CCDC172: variants seen among roughly 807,000 people sequenced by gnomAD.
CCDC172 encodes the protein coiled-coil domain-containing protein 172.
CCDC172 carries 30 observed loss-of-function variants against 38.0 expected under a neutral mutation model. That is an observed-to-expected ratio of 0.79 (90% CI 0.59 to 1.07). The LOEUF is 1.07. Among genes scored for constraint, CCDC172 ranks in the 50% least tolerant of loss-of-function variants. The probability of loss-of-function intolerance (pLI) is 0.00; values close to 1 mark genes in which losing one functional copy is unlikely to be tolerated. For missense variants in CCDC172, 297 were observed against 290.1 expected, an observed-to-expected ratio of 1.02 and a Z score of -0.17; for synonymous variants, 78 against 88.3, an observed-to-expected ratio of 0.88 and a Z score of 0.66.
chr10:116,356,940 AAG>A lies in CCDC172; in HGVS notation c.449-437_449-436del, dbSNP rs1315065598. Among the ~76,000 whole-genome samples the A allele has an allele frequency of 2.6e-4, 39 of 152,272 alleles. No homozygotes were observed. The East Asian group carries it at 2.7e-3, about 11-fold the overall frequency. The stretch of plus-strand genomic sequence containing the variant: ...AATAAGTTCTGGTCAGTTTCTTAAA[AAG>A]AGTTACTAGTTGGCCAGGGGAAGCT... On this transcript the variant is annotated intron_variant, in intron 5 of 8. Coordinates refer to ENST00000333254, the MANE Select transcript of CCDC172 (RefSeq NM_198515.3).
chr10:116,325,778 C>T (rs764221014), intron 3 of CCDC172, among the ~76,000 whole-genome samples: 2 of 152,202 alleles, frequency 1.3e-5, no homozygotes, highest in Non-Finnish European at 2.9e-5. Flanking sequence ...AAATTTCAAA[C>T]AAGCCCCTGC....
intron 7 of CCDC172, 136 bp from the exon 8 acceptor site, chr10:116,378,287 G>C: frequency 1.1e-6 from 1 of 885,822 alleles, no homozygotes; most frequent in African/African-American, 1.8e-5. Flanking sequence ...TGGAATTATA[G>C]ATAATTAAAA....
At chr10:116,378,632 C>A in intron 8 of CCDC172, 122 bp downstream of exon 8, 1 of 717,616 alleles carries the variant, frequency 1.4e-6, no homozygotes, top group Non-Finnish European at 2.3e-6. Context: ...AACAGAAAAG[C>A]AATAATGAAG....
Position 116,341,986 on chromosome 10 carries a change from A to G in CCDC172, c.283-50A>G, listed in dbSNP as rs1555179240. 6.6e-6 allele frequency: 8 copies of G among 1,218,882 alleles called. No homozygotes were observed. In the Middle Eastern group the frequency reaches 1.2e-3, roughly 190 times the overall value. The allele number at this position is 1,218,882 out of a possible 1,614,324, so 75.5% of individuals were successfully genotyped here. ...TTATATTTTAAATAATTAAGGAAAA[A>G]TATTATTGCAACTAACACCTATATT... On this transcript the variant is annotated intron_variant, in intron 4 of 8. Coordinates refer to ENST00000333254, the MANE Select transcript of CCDC172 (RefSeq NM_198515.3).
At chr10:116,353,876 C>T (rs1023159744) in intron 5 of CCDC172, among the ~76,000 whole-genome samples, 1 of 152,076 alleles carries the variant, frequency 6.6e-6, no homozygotes, top group Non-Finnish European at 1.5e-5. Context: ...ATAGTGTTGG[C>T]AAGAATATGG....
At chr10:116,325,508 T>C (rs1844580845) in intron 3 of CCDC172, 120 bp downstream of exon 3, 1 of 719,464 alleles carries the variant, frequency 1.4e-6, no homozygotes, top group Admixed American at 2.9e-5. Flanking sequence ...TACTCTGTGC[T>C]GGCTGTTTTA....
At chr10:116,341,034 T>C (rs1428789206) in intron 4 of CCDC172, among the ~76,000 whole-genome samples, 184 bp downstream of exon 4, 1 of 152,002 alleles carries the variant, frequency 6.6e-6, no homozygotes, top group African/African-American at 2.4e-5. Context: ...GAAAGAAGTA[T>C]ATGGGCAGGG....
intron 5 of CCDC172, among the ~76,000 whole-genome samples, chr10:116,350,348 G>T (rs905083957): frequency 1.3e-5 from 2 of 152,198 alleles, no homozygotes; most frequent in Admixed American, 1.3e-4. Flanking sequence ...CAGCATAGAA[G>T]TGGTAAGTGG....
intron 7 of CCDC172, among the ~76,000 whole-genome samples, chr10:116,374,205 A>G (rs1265770932): frequency 6.6e-6 from 1 of 152,108 alleles, no homozygotes; most frequent in Non-Finnish European, 1.5e-5. Context: ...CTTAATGATG[A>G]GCCCAAGTCA....
Position 116,362,145 on chromosome 10 carries a change from G to A in CCDC172, c.653+4207G>A, listed in dbSNP as rs367676704. On this transcript the variant is annotated intron_variant, in intron 7 of 8. Transcript: ENST00000333254. Reference sequence around the variant, plus strand: ...GCAGAGCTTGCAGTGAGCCGAGATCGCTTTTCATACCCTTGCTCTGACACC... The same window carrying A: ...GCAGAGCTTGCAGTGAGCCGAGATCACTTTTCATACCCTTGCTCTGACACC... 1.6e-4 allele frequency among the ~76,000 whole-genome samples: 24 copies of A among 152,306 alleles called. No individual in the cohort carries two copies. In the East Asian group the frequency reaches 3.9e-3, roughly 25 times the overall value.
intron 7 of CCDC172, among the ~76,000 whole-genome samples, chr10:116,374,808 G>C (rs1036038852): frequency 1.3e-5 from 2 of 151,220 alleles, no homozygotes; most frequent in African/African-American, 4.9e-5. Flanking sequence ...GTAAAAGACA[G>C]ATTATTACAT....
At chr10:116,332,951 T>G (rs549925293) in intron 3 of CCDC172, among the ~76,000 whole-genome samples, 17 of 152,264 alleles carry the variant, frequency 1.1e-4, no homozygotes, top group African/African-American at 4.1e-4. Flanking sequence ...TAATGCTCTC[T>G]GCAAATTTAA....
chr10:116,355,569 T>C (rs1308344056), intron 5 of CCDC172, among the ~76,000 whole-genome samples: 1 of 152,104 alleles, frequency 6.6e-6, no homozygotes, highest in Non-Finnish European at 1.5e-5. Context: ...ACAACCCAAA[T>C]GTCAATCACG....
At chr10:116,377,059 G>A (rs1845254644) in intron 7 of CCDC172, among the ~76,000 whole-genome samples, 1 of 152,144 alleles carries the variant, frequency 6.6e-6, no homozygotes, top group South Asian at 2.1e-4. Context: ...GGGAGGGATA[G>A]CATTAGGAGA....
At chr10:116,346,053 C>T (rs979536414) in intron 5 of CCDC172, among the ~76,000 whole-genome samples, 2 of 151,842 alleles carry the variant, frequency 1.3e-5, no homozygotes, top group Admixed American at 6.6e-5. Flanking sequence ...TGAATGGTTT[C>T]GGAGGCCGAG....
At chr10:116,342,282 CT>C in intron 5 of CCDC172, 81 bp downstream of exon 5, 2 of 1,284,934 alleles carry the variant, frequency 1.6e-6, no homozygotes, top group Non-Finnish European at 2.1e-6. Flanking sequence ...AAAAATTTAA[CT>C]TTTTCATGAG....
chr10:116,357,923 A>C lies in CCDC172; in HGVS notation c.638A>C (p.Asp213Ala), dbSNP rs1488821568. Residue 213 changes from aspartate (D) to alanine (A), a missense_variant, in exon 7 of 9, where the codon GAT (aspartate) becomes GCT (alanine). By Grantham distance (126) the Asp-to-Ala change is moderately radical (BLOSUM62 -2). Coordinates refer to ENST00000333254, the MANE Select transcript of CCDC172 (RefSeq NM_198515.3). ...AAAATCAGTGAAAAGCCTCAAAATG[A>C]TACAGAATGCTTAAGGTAAGAGTTT... ...KIKISEKPQN[D>A]TECLRLKKEL... 1 of 1,571,914 alleles carries C rather than the reference A, an allele frequency of 6.4e-7. No individual in the cohort carries two copies.
rs1301760665 is a variant in CCDC172 at position 116,379,244 on chromosome 10, A to C, written c.742-79A>C. ...GAAATGCCCAGAATTTATTGTCATTAAATTTAGGTACATTTTATGTAATTA... is the reference window on the plus strand; with the variant it reads ...GAAATGCCCAGAATTTATTGTCATTCAATTTAGGTACATTTTATGTAATTA... On this transcript the variant is annotated intron_variant, in intron 8 of 8. Transcript: ENST00000333254. The C allele has an allele frequency of 2.2e-5, 16 of 726,692 alleles. No individual in the cohort carries two copies. In the African/African-American group the frequency reaches 2.8e-4, roughly 13 times the overall value. 45.0% of individuals were successfully genotyped at this position (726,692 alleles called of 1,614,324 possible).
In CCDC172 at chr10:116,329,463, C is replaced by G. The variant is rs946705598; in HGVS notation, c.165+4075C>G. On this transcript the variant is annotated intron_variant, in intron 3 of 8. Transcript: ENST00000333254. ...TCATGCACGCTCACTTCATTTAGATCTCTCCCAGTAGAATCATGTGGGACT... is the reference window on the plus strand; with the variant it reads ...TCATGCACGCTCACTTCATTTAGATGTCTCCCAGTAGAATCATGTGGGACT... 5.9e-5 allele frequency among the ~76,000 whole-genome samples: 9 copies of G among 152,240 alleles called. No homozygotes were observed. In the South Asian group the frequency reaches 1.9e-3, roughly 32 times the overall value.
Sources: gnomAD v4.1 joint callset for allele counts (sites outside exome capture counted in the v4.1 genomes callset) on GRCh38, gnomAD v4.1.1 for gene constraint, MANE v1.5 for transcripts, NCBI Gene and HGNC (gene_info 2026-07-23, HGNC 2026-07-21) for gene names.